GABRG2: variants seen among roughly 807,000 people sequenced by gnomAD.
The protein encoded by GABRG2 is gamma-aminobutyric acid type A receptor subunit gamma2, also known as gamma-aminobutyric acid receptor subunit gamma-2.
Under a neutral mutation model 56.4 loss-of-function variants are expected in GABRG2, and 16 were observed. The ratio of observed to expected loss-of-function variants is 0.28; its 90% CI spans 0.19 to 0.43. GABRG2 has a LOEUF of 0.43. Ranked by LOEUF, GABRG2 falls within the 20% of genes least tolerant of loss-of-function variation. GABRG2 has a pLI of 1.00. For synonymous variants in GABRG2, 208 were observed against 205.5 expected, an observed-to-expected ratio of 1.01 and a Z score of -0.10; for missense variants, 327 against 582.7, an observed-to-expected ratio of 0.56 and a Z score of 4.52.
intron 1 of GABRG2, among the ~76,000 whole-genome samples, chr5:162,080,104 ACTTCCTGT>A (rs1254355756): frequency 2.6e-5 from 4 of 152,156 alleles, no homozygotes; most frequent in Admixed American, 6.5e-5. Context: ...CTTCCCGCCT[ACTTCCTGT>A]CTTCCTGTCT....
chr5:162,087,477 C>A (rs1263828456), intron 1 of GABRG2, among the ~76,000 whole-genome samples: 1 of 151,930 alleles, frequency 6.6e-6, no homozygotes, highest in African/African-American at 2.4e-5. Flanking sequence ...TGGCTATTTT[C>A]CTCTTTTAGA....
intron 1 of GABRG2, among the ~76,000 whole-genome samples, chr5:162,090,301 GACATACACATACACATACACATACCATAC>G (rs893450073): frequency 4.8e-5 from 7 of 145,504 alleles, no homozygotes; most frequent in African/African-American, 1.9e-4. Context: ...TATACACATA[GACATACACATACACATACACATACCATAC>G]ACATACACAT....
At chr5:162,120,047 T>C (rs942907356) in intron 6 of GABRG2, among the ~76,000 whole-genome samples, 4 of 152,084 alleles carry the variant, frequency 2.6e-5, no homozygotes, top group Non-Finnish European at 5.9e-5. Flanking sequence ...ATCTGCAGCG[T>C]CCATCTGCCA....
intron 1 of GABRG2, among the ~76,000 whole-genome samples, chr5:162,079,478 T>A (rs1036926903): frequency 9.9e-5 from 15 of 152,204 alleles, no homozygotes; most frequent in African/African-American, 3.4e-4. Context: ...AATTCCTATT[T>A]ATTTTGTTAA....
At chr5:162,128,081 A>G (rs1284038843) in intron 6 of GABRG2, among the ~76,000 whole-genome samples, 1 of 152,034 alleles carries the variant, frequency 6.6e-6, no homozygotes, top group Admixed American at 6.6e-5. Flanking sequence ...AGTATTTATC[A>G]TGCTTTTATT....
At chr5:162,105,718 C>T (rs1581368604) in intron 6 of GABRG2, among the ~76,000 whole-genome samples, 1 of 151,840 alleles carries the variant, frequency 6.6e-6, no homozygotes, top group Non-Finnish European at 1.5e-5. Flanking sequence ...GCAAGAGCCA[C>T]CGCGCCCGGC....
At chr5:162,083,240 C>T (rs539739943) in intron 1 of GABRG2, among the ~76,000 whole-genome samples, 42 of 151,646 alleles carry the variant, frequency 2.8e-4, no homozygotes, top group Non-Finnish European at 4.9e-4. Context: ...CAAATACATT[C>T]GATACATTTG....
intron 9 of GABRG2, 122 bp downstream of exon 9, chr5:162,151,875 G>T: frequency 1.2e-6 from 1 of 849,760 alleles, no homozygotes; most frequent in Non-Finnish European, 1.9e-6. Context: ...GAGATAATAT[G>T]TTGGAGAAAG....
intron 6 of GABRG2, among the ~76,000 whole-genome samples, chr5:162,125,223 A>G (rs1476930258): frequency 1.3e-5 from 2 of 151,678 alleles, no homozygotes; most frequent in Non-Finnish European, 2.9e-5. Flanking sequence ...AATTTCCAAC[A>G]TTTATATATA....
intron 3 of GABRG2, 60 bp from the exon 4 acceptor site, chr5:162,097,578 A>C: frequency 8.0e-7 from 1 of 1,251,064 alleles, no homozygotes; most frequent in Non-Finnish European, 1.2e-6. Flanking sequence ...AAATATACCA[A>C]TATTTAAAAA....
At chr5:162,139,653 A>G (rs1474074125) in intron 6 of GABRG2, among the ~76,000 whole-genome samples, 1 of 152,230 alleles carries the variant, frequency 6.6e-6, no homozygotes, top group Non-Finnish European at 1.5e-5. Flanking sequence ...GTTCACCTTT[A>G]AAAGTGCCAG....
chr5:162,084,070 C>G (rs1246421832), intron 1 of GABRG2, among the ~76,000 whole-genome samples: 1 of 151,698 alleles, frequency 6.6e-6, no homozygotes, highest in Non-Finnish European at 1.5e-5. Flanking sequence ...CCCAGATATG[C>G]CAAGCTTGCT....
intron 4 of GABRG2, chr5:162,098,089 C>T (rs1761135694): frequency 9.1e-6 from 5 of 547,346 alleles, no homozygotes; most frequent in South Asian, 8.7e-5. Context: ...TCCACAACTG[C>T]TGTGAAAACT....
rs946309996 is a variant in GABRG2, at chr5:162,142,606, G to A, written c.922+290G>A. On this transcript the variant is annotated intron_variant, in intron 7 of 9. Coordinates refer to ENST00000639213, the MANE Select transcript of GABRG2 (RefSeq NM_198904.4). ...GAGTTCATGTCCTTTGTAGGGACAT[G>A]GATGAAGCTGGAAACCATCATTCTC... The A allele has an allele frequency of 2.0e-5, 7 of 356,166 alleles. No homozygotes were observed. In the Middle Eastern group the frequency reaches 3.1e-3, roughly 157 times the overall value. 22.1% of individuals were successfully genotyped at this position (356,166 alleles called of 1,614,324 possible).
At chr5:162,076,150 T>C (rs914154028) in intron 1 of GABRG2, among the ~76,000 whole-genome samples, 2 of 152,240 alleles carry the variant, frequency 1.3e-5, no homozygotes, top group Middle Eastern at 3.4e-3. Context: ...AGACCCCGTC[T>C]CAAATAAAAA....
At chr5:162,073,019 G>A (rs1758800455) in intron 1 of GABRG2, among the ~76,000 whole-genome samples, 1 of 151,824 alleles carries the variant, frequency 6.6e-6, no homozygotes, top group South Asian at 2.1e-4. Flanking sequence ...GTAACAGGTA[G>A]ACTGGATGAT....
intron 6 of GABRG2, among the ~76,000 whole-genome samples, chr5:162,134,161 CAGA>C (rs35298553): frequency 0.034 from 5,131 of 152,192 alleles, 187 homozygotes; most frequent in East Asian, 0.16. Flanking sequence ...CTATTTTCTA[CAGA>C]AGGAGTATGG....
chr5:162,098,721 A>C (rs937941523), intron 4 of GABRG2: 1 of 152,132 alleles, frequency 6.6e-6, no homozygotes, highest in African/African-American at 2.4e-5. Flanking sequence ...TAGTGTTAGA[A>C]GCTTTGTTTG....
intron 6 of GABRG2, among the ~76,000 whole-genome samples, chr5:162,122,470 T>C: frequency 6.6e-6 from 1 of 151,844 alleles, no homozygotes; most frequent in East Asian, 1.9e-4. Flanking sequence ...CCACTGAGTA[T>C]ATTAAAAGAA....
Sources: gnomAD v4.1 joint callset for allele counts (sites outside exome capture counted in the v4.1 genomes callset) on GRCh38, gnomAD v4.1.1 for gene constraint, MANE v1.5 for transcripts, NCBI Gene and HGNC (gene_info 2026-07-23, HGNC 2026-07-21) for gene names.